The following DGLUCY variants were observed in gnomAD, a reference collection of about 807,000 sequenced individuals.
DGLUCY encodes D-glutamate cyclase.
Under a neutral mutation model 58.5 loss-of-function variants are expected in DGLUCY, and 58 were observed. The ratio of observed to expected loss-of-function variants is 0.99; its 90% CI spans 0.80 to 1.23. The LOEUF is 1.23. Ranked by LOEUF, DGLUCY falls within the 50% of genes most tolerant of loss-of-function variation. The pLI is 0.00. For missense variants in DGLUCY, 779 were observed against 784.7 expected (o/e 0.99, Z 0.09); for synonymous variants, 325 against 314.1 (o/e 1.03, Z -0.37).
intron 13 of DGLUCY, 105 bp from the exon 14 acceptor site, chr14:91,224,579 C>A: frequency 7.8e-7 from 1 of 1,275,464 alleles, no homozygotes; most frequent in Non-Finnish European, 1.0e-6. Flanking sequence ...TTTTAAAAAG[C>A]AAGTATGTCA....
intron 1 of DGLUCY, among the ~76,000 whole-genome samples, chr14:91,138,637 A>G (rs1283006206): frequency 6.6e-6 from 1 of 152,208 alleles, no homozygotes; most frequent in Non-Finnish European, 1.5e-5. Context: ...CACCTCCACA[A>G]GGTGGCAGGA....
intron 1 of DGLUCY, among the ~76,000 whole-genome samples, chr14:91,082,838 C>T (rs561844016): frequency 7.9e-5 from 12 of 152,282 alleles, no homozygotes; most frequent in Non-Finnish European, 1.8e-4. Flanking sequence ...ACTGCAGCCT[C>T]GACCTCCTGG....
intron 3 of DGLUCY, among the ~76,000 whole-genome samples, chr14:91,164,915 C>CGAGT (rs1285453109): frequency 1.3e-5 from 2 of 152,244 alleles, no homozygotes. Context: ...GGCCTGTGTC[C>CGAGT]TTCCCTGCAG....
chr14:91,217,397 G>A (rs1209115334), intron 13 of DGLUCY, among the ~76,000 whole-genome samples: 1 of 152,066 alleles, frequency 6.6e-6, no homozygotes, highest in Non-Finnish European at 1.5e-5. Flanking sequence ...TGGGTGGGTG[G>A]TCGCTACAAG....
rs3086753 is a variant in DGLUCY at position 91,074,118 on chromosome 14, TACACACAC to T, written c.-82+13450_-82+13457del. ...CAAAAAAAAAAAATATATATATATATACACACACACACACACACACACACACACACACA... is the reference window on the plus strand; with the variant it reads ...CAAAAAAAAAAAATATATATATATATACACACACACACACACACACACACA... On this transcript the variant is annotated intron_variant, in intron 1 of 4. Coordinates refer to the DGLUCY transcript ENST00000521334. Among the ~76,000 whole-genome samples the T allele has an allele frequency of 9.8e-4, 69 of 70,336 alleles. 1 individual carries two copies. The Middle Eastern group carries it at 0.052, about 53-fold the overall frequency. 46.1% of individuals were successfully genotyped at this position (70,336 alleles called of 152,430 possible). A position where few individuals can be genotyped will look rare whatever the true frequency, so the allele number is the denominator to read the frequency against.
chr14:91,173,424 C>G lies in DGLUCY; in HGVS notation c.592C>G (p.His198Asp). ...SLGGEQGQPV[H>D]MGDPELLGIK... ...CGGAGGTGAGCAGGGGCAACCTGTT[C>G]ACATGGGCGACCCAGGTCAGTGTCT... The change falls in exon 6 of 14, where the codon CAC (histidine) becomes GAC (aspartate). Residue 198 changes from histidine to aspartate, a missense_variant. His to Asp is a moderately conservative substitution (Grantham distance 81, BLOSUM62 -1). Coordinates refer to ENST00000256324, the MANE Select transcript of DGLUCY (RefSeq NM_001102368.3). 3 of 1,605,664 alleles carry G rather than the reference C, an allele frequency of 1.9e-6. No homozygotes were observed. The highest frequency in any genetic ancestry group is 2.5e-6 in the Non-Finnish European group (3 of 1,177,392).
At chr14:91,072,902 G>A (rs1471341540) in intron 1 of DGLUCY, among the ~76,000 whole-genome samples, 3 of 151,956 alleles carry the variant, frequency 2.0e-5, no homozygotes, top group Non-Finnish European at 2.9e-5. Flanking sequence ...CCAGCTACTC[G>A]GGAGGCTGAG....
rs566434024 is a variant in DGLUCY, at chr14:91,094,427, T to A, written c.-82+33723T>A. The stretch of plus-strand genomic sequence containing the variant: ...TCTAGCCTGGGCGACCGAGCGAGAC[T>A]CTGTCCCCAAAAAAAAAAAAGCAAC... On this transcript the variant is annotated intron_variant, in intron 1 of 4. Coordinates refer to the DGLUCY transcript ENST00000521334. Among the ~76,000 whole-genome samples the A allele has an allele frequency of 2.4e-4, 34 of 142,860 alleles. No individual in the cohort carries two copies. The East Asian group carries it at 6.9e-3, about 29-fold the overall frequency. The allele number at this position is 142,860 out of a possible 152,430, so 93.7% of individuals were successfully genotyped here.
intron 1 of DGLUCY, among the ~76,000 whole-genome samples, chr14:91,138,834 G>T (rs538961236): frequency 6.6e-6 from 1 of 152,086 alleles, no homozygotes; most frequent in Non-Finnish European, 1.5e-5. Flanking sequence ...GGGACACAGA[G>T]CCAGACCATA....
intron 7 of DGLUCY, among the ~76,000 whole-genome samples, chr14:91,178,240 A>G (rs1010932851): frequency 6.6e-6 from 1 of 151,658 alleles, no homozygotes; most frequent in Admixed American, 6.6e-5. Context: ...ATCACAGCTC[A>G]CTGTAGCCTT....
At chr14:91,209,647 G>A (rs572378796) in intron 12 of DGLUCY, among the ~76,000 whole-genome samples, 1 of 152,288 alleles carries the variant, frequency 6.6e-6, no homozygotes, top group African/African-American at 2.4e-5. Flanking sequence ...GGCGGAGCTT[G>A]TAGTGAGCCA....
intron 1 of DGLUCY, among the ~76,000 whole-genome samples, chr14:91,153,243 C>T (rs1467308088): frequency 1.3e-5 from 2 of 152,016 alleles, no homozygotes; most frequent in Non-Finnish European, 2.9e-5. Flanking sequence ...AGTGCAGTGG[C>T]GAAATCTCGG....
At chr14:91,174,200 G>A (rs1327130064) in intron 6 of DGLUCY, among the ~76,000 whole-genome samples, 1 of 152,150 alleles carries the variant, frequency 6.6e-6, no homozygotes, top group Non-Finnish European at 1.5e-5. Context: ...CTAGAGGGTG[G>A]TGCCTAAGGA....
At chr14:91,066,116 G>A (rs902175610) in intron 1 of DGLUCY, among the ~76,000 whole-genome samples, 18 of 152,146 alleles carry the variant, frequency 1.2e-4, no homozygotes, top group African/African-American at 1.9e-4. Flanking sequence ...GGTGGCTCAC[G>A]CCTGTAATCC....
chr14:91,138,422 C>T (rs777144176), intron 1 of DGLUCY, among the ~76,000 whole-genome samples: 19 of 152,040 alleles, frequency 1.2e-4, no homozygotes, highest in Non-Finnish European at 2.4e-4. Context: ...ACCCAGGAGG[C>T]GGAGGTTGCG....
chr14:91,197,567 C>T (rs997712960), intron 10 of DGLUCY, among the ~76,000 whole-genome samples: 1 of 152,238 alleles, frequency 6.6e-6, no homozygotes, highest in Non-Finnish European at 1.5e-5. Context: ...TCAACCCAGC[C>T]TCTGGCAACC....
At chr14:91,213,031 G>A (rs561991711) in intron 12 of DGLUCY, among the ~76,000 whole-genome samples, 1 of 151,440 alleles carries the variant, frequency 6.6e-6, no homozygotes, top group African/African-American at 2.4e-5. Flanking sequence ...ACCACTTTGG[G>A]AAGCCAAGGC....
chr14:91,066,388 GAA>G (rs58589619), intron 1 of DGLUCY, among the ~76,000 whole-genome samples: 38,524 of 113,752 alleles, frequency 0.34, 5,119 homozygotes, highest in Middle Eastern at 0.42. Flanking sequence ...AAAAAAAAAA[GAA>G]AAAAAAAAAA....
At chr14:91,151,558 T>C (rs2047338542) in intron 1 of DGLUCY, among the ~76,000 whole-genome samples, 1 of 152,014 alleles carries the variant, frequency 6.6e-6, no homozygotes, top group South Asian at 2.1e-4. Context: ...TTTTTTTTAT[T>C]TTAAAATAAT....
Sources: gnomAD v4.1 joint callset for allele counts (sites outside exome capture counted in the v4.1 genomes callset) on GRCh38, gnomAD v4.1.1 for gene constraint, MANE v1.5 for transcripts, NCBI Gene and HGNC (gene_info 2026-07-23, HGNC 2026-07-21) for gene names.